TBX18: variants seen among roughly 807,000 people sequenced by gnomAD.
TBX18 encodes the protein T-box transcription factor TBX18.
In TBX18, 21 loss-of-function variants were observed where a neutral mutation model predicts 55.0. That is an observed-to-expected ratio of 0.38 (90% confidence interval 0.27 to 0.55). TBX18 has a LOEUF of 0.55. Ranked by LOEUF, TBX18 falls within the 20% of genes least tolerant of loss-of-function variation. The pLI, the probability that TBX18 is intolerant of heterozygous loss-of-function variation, is 0.73. For synonymous variants in TBX18, 342 were observed against 326.1 expected, an observed-to-expected ratio of 1.05 and a Z score of -0.53; for missense variants, 840 against 799.6, an observed-to-expected ratio of 1.05 and a Z score of -0.61.
At position 84,734,426 on chromosome 6, in the gene TBX18, C is replaced by T. The variant is rs1211422742; in HGVS notation, c.*2259G>A. ...ATTTTTAGACATTAAAATGATTACC[C>T]TCCAAAATCATAAAAGGGTTTAATA... is the stretch of plus-strand genomic sequence containing the variant. On this transcript the variant is annotated 3_prime_UTR_variant, in exon 8 of 8. Coordinates refer to ENST00000369663, the MANE Select transcript of TBX18 (RefSeq NM_001080508.3). 1.3e-5 allele frequency: 2 copies of T among 152,096 alleles called. No individual in the cohort carries two copies. Among genetic ancestry groups the T allele is most frequent in the African/African-American group, 4.8e-5 (2 of 41,364 alleles). 9.4% of individuals were successfully genotyped at this position (152,096 alleles called of 1,614,324 possible). A position where few individuals can be genotyped will look rare whatever the true frequency, so the allele number is the denominator to read the frequency against.
Position 84,748,015 on chromosome 6 carries a change from A to C in TBX18, c.844T>G (p.Ser282Ala). 6.2e-6 allele frequency: 10 copies of C among 1,613,602 alleles called. No homozygotes were observed. The highest frequency in any genetic ancestry group is 7.6e-6 in the Non-Finnish European group (9 of 1,179,594). The change falls in exon 5 of 8, where the codon TCT becomes GCT. Residue 282 changes from serine to alanine, a missense_variant. Physicochemically the swap from Ser to Ala is moderately conservative, Grantham distance 99. Transcript: ENST00000369663. ...CCGGATGGAACAGGCTTGATGGGAG[A>C]AAGATCGTCTCCACAGTCTTTACGG... is the stretch of plus-strand genomic sequence containing the variant. The part of the protein sequence containing the change: ...VIRKDCGDDL[S>A]PIKPVPSGEG...
At position 84,763,961 on chromosome 6, in the gene TBX18, G is replaced by A. The variant is rs1449047988; in HGVS notation, c.221C>T (p.Ala74Val). The change falls in exon 1 of 8, where the codon GCG becomes GTG. Residue 74 changes from alanine (A) to valine (V), a missense_variant. Ala to Val is a moderately conservative substitution (Grantham distance 64, BLOSUM62 0). Transcript: ENST00000369663. The stretch of plus-strand genomic sequence containing the variant: ...CGTCGCCCCAGCCGGCGGCGGGAGC[G>A]CAGCGCCTTCGTCTCCCTCAGAAGA... ...KGSSEGDEGA[A>V]LPPPAGATSG... 12 of 1,579,498 alleles carry A rather than the reference G, an allele frequency of 7.6e-6. No homozygotes were observed. The highest frequency in any genetic ancestry group is 2.7e-5 in the African/African-American group (2 of 73,578).
At chr6:84,738,147 A>T (rs1280518709) in intron 7 of TBX18, among the ~76,000 whole-genome samples, 1 of 152,166 alleles carries the variant, frequency 6.6e-6, no homozygotes, top group Non-Finnish European at 1.5e-5. Flanking sequence ...TGCTGAAGAA[A>T]GAAAACAAAC....
At chr6:84,748,225 A>G (rs1767249820) in intron 4 of TBX18, 138 bp from the exon 5 acceptor site, 1 of 558,626 alleles carries the variant, frequency 1.8e-6, no homozygotes. Flanking sequence ...TTAATAAGAA[A>G]TATCAGAACT....
rs113940450 is a variant in TBX18 at position 84,757,211 on chromosome 6, G to A, written c.600-342C>T. Among the ~76,000 whole-genome samples the A allele has an allele frequency of 1.5e-3, 223 of 152,046 alleles. 1 individual carries two copies. The highest frequency in any genetic ancestry group is 5.2e-3 in the South Asian group (25 of 4,820). On this transcript the variant is annotated intron_variant, in intron 3 of 7. Coordinates refer to ENST00000369663, the MANE Select transcript of TBX18 (RefSeq NM_001080508.3). ...TTTCTTCTGAATATTCCATCGACAC[G>A]AAAAAACAAATAGCTTGTCAAGTTC...
Position 84,762,586 on chromosome 6 carries a change from A to G in TBX18, c.455T>C (p.Phe152Ser). 6.2e-7 allele frequency: 1 copy of G among 1,613,942 alleles called. No individual in the cohort carries two copies. The highest frequency in any genetic ancestry group is 8.5e-7 in the Non-Finnish European group (1 of 1,179,986). ...DLQGAELWKRFHEIGTEMIIT... is the reference protein window; with the variant it reads ...DLQGAELWKRSHEIGTEMIIT... ...GATCATCTCAGTGCCTATCTCATGA[A>G]AGCGCTTCCAGAGCTCGGCTCCCTG... The change falls in exon 2 of 8, where the codon TTT (phenylalanine) becomes TCT (serine). Residue 152 changes from phenylalanine (F) to serine (S), a missense_variant. Coordinates refer to ENST00000369663, the MANE Select transcript of TBX18 (RefSeq NM_001080508.3).
intron 5 of TBX18, among the ~76,000 whole-genome samples, chr6:84,745,128 T>C (rs1767148564): frequency 6.6e-6 from 1 of 152,152 alleles, no homozygotes; most frequent in South Asian, 2.1e-4. Context: ...ATATATGATG[T>C]TTTAGTTTTA....
rs149453199 is a variant in TBX18, at chr6:84,736,932, G to C, written c.1577C>G (p.Pro526Arg). The C allele has an allele frequency of 2.5e-6, 4 of 1,610,746 alleles. No individual in the cohort carries two copies. Among genetic ancestry groups the C allele is most frequent in the Non-Finnish European group, 3.4e-6 (4 of 1,177,860 alleles). The change falls in exon 8 of 8, where the codon CCC (proline) becomes CGC (arginine). Residue 526 changes from proline (P) to arginine (R), a missense_variant. Coordinates refer to ENST00000369663, the MANE Select transcript of TBX18 (RefSeq NM_001080508.3). ...GAAGTTATATCCATATAGTGCACAG[G>C]GGCTGTGTAATCTAAAAGTATTATA... ...GSYNTFRLHS[P>R]CALYGYNFST...
At position 84,739,254 on chromosome 6, in the gene TBX18, T is replaced by C. The variant is rs531314335; in HGVS notation, c.1005-663A>G. On this transcript the variant is annotated intron_variant, in intron 6 of 7. Coordinates refer to ENST00000369663, the MANE Select transcript of TBX18 (RefSeq NM_001080508.3). ...TGACCTCACAGGGCTATCTAGTATATAGAGTTACTATTAAATCACAAATTA... is the reference window on the plus strand; with the variant it reads ...TGACCTCACAGGGCTATCTAGTATACAGAGTTACTATTAAATCACAAATTA... Among the ~76,000 whole-genome samples the C allele has an allele frequency of 1.4e-4, 22 of 152,066 alleles. No homozygotes were observed. In the South Asian group the frequency reaches 3.1e-3, roughly 22 times the overall value.
intron 5 of TBX18, among the ~76,000 whole-genome samples, chr6:84,746,585 A>C (rs2127874957): frequency 6.8e-6 from 1 of 146,778 alleles, no homozygotes; most frequent in Admixed American, 6.9e-5. Context: ...AATATATTTT[A>C]TATAATGTAT....
At chr6:84,759,103 A>G (rs1767575672) in intron 3 of TBX18, among the ~76,000 whole-genome samples, 1 of 152,188 alleles carries the variant, frequency 6.6e-6, no homozygotes, top group Admixed American at 6.5e-5. Flanking sequence ...AATCAAGTAT[A>G]TTTAAAAAAT....
intron 3 of TBX18, among the ~76,000 whole-genome samples, chr6:84,759,563 G>C (rs74561514): frequency 0.12 from 17,864 of 149,830 alleles, 1,192 homozygotes; most frequent in African/African-American, 0.14. Flanking sequence ...AAAAAAAAGA[G>C]TAAAGATTGG....
intron 5 of TBX18, among the ~76,000 whole-genome samples, chr6:84,744,905 T>C (rs1448316127): frequency 2.0e-5 from 3 of 152,174 alleles, no homozygotes; most frequent in Non-Finnish European, 4.4e-5. Flanking sequence ...TTTATTCTTT[T>C]ATCTGTGGAG....
chr6:84,735,473 C>T lies in TBX18; in HGVS notation c.*1212G>A, dbSNP rs1253478427. ...GGTCTTTATAGTAATGGGCTTTGGC[C>T]TTTGCACTATAGCTCCCAAAAGACA... On this transcript the variant is annotated 3_prime_UTR_variant, in exon 8 of 8. Coordinates refer to ENST00000369663, the MANE Select transcript of TBX18 (RefSeq NM_001080508.3). 3 of 152,122 alleles carry T rather than the reference C, an allele frequency of 2.0e-5. No individual in the cohort carries two copies. Among genetic ancestry groups the T allele is most frequent in the Non-Finnish European group, 2.9e-5 (2 of 68,012 alleles). 9.4% of individuals were successfully genotyped at this position (152,122 alleles called of 1,614,324 possible). A position where few individuals can be genotyped will look rare whatever the true frequency, so the allele number is the denominator to read the frequency against.
In TBX18 at chr6:84,760,295, T is replaced by C. The variant is rs756958022; in HGVS notation, c.559A>G (p.Ile187Val). The C allele has an allele frequency of 1.7e-5, 27 of 1,608,370 alleles. No homozygotes were observed. Among genetic ancestry groups the C allele is most frequent in the Non-Finnish European group, 2.2e-5 (26 of 1,176,662 alleles). ...SGLDPHQQYY[I>V]AMDIVPVDNK... ...TCCACTGGTACAATATCCATGGCAATGTAATATTGCTGGTGAGGATCTAAT... is the reference window on the plus strand; with the variant it reads ...TCCACTGGTACAATATCCATGGCAACGTAATATTGCTGGTGAGGATCTAAT... Residue 187 changes from isoleucine to valine, a missense_variant, in exon 3 of 8, where the codon ATT becomes GTT. Transcript: ENST00000369663.
At chr6:84,751,993 CA>C (rs2127877545) in intron 4 of TBX18, among the ~76,000 whole-genome samples, 1 of 152,264 alleles carries the variant, frequency 6.6e-6, no homozygotes, top group Admixed American at 6.5e-5. Flanking sequence ...ATATGATGCC[CA>C]TCTCCAAAAC....
chr6:84,762,792 G>A (rs746466095), intron 1 of TBX18, 44 bp from the exon 2 acceptor site: 2 of 1,552,618 alleles, frequency 1.3e-6, no homozygotes, highest in South Asian at 1.2e-5. Context: ...GAGGGAAACA[G>A]AGGGGAAGCC....
chr6:84,761,748 C>G (rs1172223334), intron 2 of TBX18, among the ~76,000 whole-genome samples: 1 of 151,976 alleles, frequency 6.6e-6, no homozygotes, highest in Non-Finnish European at 1.5e-5. Context: ...TATGATCTGC[C>G]CAACAAATCC....
intron 1 of TBX18, chr6:84,763,190 T>G (rs1767704496): frequency 2.8e-6 from 1 of 357,738 alleles, no homozygotes. Context: ...CGGACTCTGG[T>G]CCCAAGAGCC....
Sources: allele counts gnomAD v4.1 joint callset (sites outside exome capture counted in the v4.1 genomes callset), GRCh38; gene constraint gnomAD v4.1.1; transcripts MANE v1.5; gene names NCBI Gene and HGNC (gene_info 2026-07-23, HGNC 2026-07-21).